The following NBAS variants were observed in gnomAD, a reference collection of about 807,000 sequenced individuals.
NBAS encodes NAG/BC035112 fusion.
NBAS carries 219 observed loss-of-function variants against 302.5 expected under a neutral mutation model. The ratio of observed to expected loss-of-function variants is 0.72; its 90% CI spans 0.65 to 0.81. The LOEUF is 0.81. Ranked by LOEUF, NBAS falls within the 30% of genes least tolerant of loss-of-function variation. The probability of loss-of-function intolerance (pLI) is 0.00; values close to 1 mark genes in which losing one functional copy is unlikely to be tolerated. For synonymous variants in NBAS, 1,118 were observed against 1,021.6 expected, an observed-to-expected ratio of 1.09 and a Z score of -1.80; for missense variants, 2,932 against 2,841.6, an observed-to-expected ratio of 1.03 and a Z score of -0.72.
At chr2:15,434,582 C>T (rs965159150) in intron 21 of NBAS, among the ~76,000 whole-genome samples, 51 of 152,180 alleles carry the variant, frequency 3.4e-4, no homozygotes, top group African/African-American at 8.9e-4. Context: ...GTGTTATATA[C>T]GTAAAATGTT....
At chr2:15,473,378 T>C (rs373062285) in intron 15 of NBAS, 31 bp from the exon 16 acceptor site, 29 of 1,611,940 alleles carry the variant, frequency 1.8e-5, no homozygotes, top group Non-Finnish European at 2.5e-5. Context: ...ACAGGAATGT[T>C]ACATGACTGA....
intron 44 of NBAS, among the ~76,000 whole-genome samples, chr2:15,267,967 T>TTA (rs1399615458): frequency 6.6e-5 from 10 of 152,200 alleles, no homozygotes; most frequent in African/African-American, 2.4e-4. Flanking sequence ...TAAAATCTTA[T>TTA]TATATGTGAG....
the NBAS span, among the ~76,000 whole-genome samples, chr2:15,157,475 G>A: frequency 6.6e-6 from 1 of 152,284 alleles, no homozygotes; most frequent in South Asian, 2.1e-4. Context: ...TGTGCGTTTA[G>A]GGCCGTCTTC....
chr2:15,269,793 G>A (rs1047098650), intron 44 of NBAS, among the ~76,000 whole-genome samples: 1 of 152,146 alleles, frequency 6.6e-6, no homozygotes, highest in Non-Finnish European at 1.5e-5. Context: ...ATGCGACAGG[G>A]TACAAAAAGT....
At chr2:15,004,667 A>ATTTTTT in the NBAS span, among the ~76,000 whole-genome samples, 153 of 105,454 alleles carry the variant, frequency 1.5e-3, no homozygotes, top group Non-Finnish European at 1.9e-3. Context: ...CTCCCAGCTG[A>ATTTTTT]TTTTTTTTTT....
chr2:14,871,762 GATAAT>G, the NBAS span, among the ~76,000 whole-genome samples: 125 of 152,144 alleles, frequency 8.2e-4, 1 homozygote, highest in African/African-American at 2.9e-3. Context: ...AAAATATTGT[GATAAT>G]ATAATAATGA....
At chr2:15,497,001 A>G (rs1681097287) in intron 11 of NBAS, among the ~76,000 whole-genome samples, 2 of 152,154 alleles carry the variant, frequency 1.3e-5, no homozygotes, top group South Asian at 4.1e-4. Flanking sequence ...ATGAGAAAAA[A>G]TTAATTAATG....
intron 44 of NBAS, among the ~76,000 whole-genome samples, chr2:15,251,397 G>A (rs1444524496): frequency 6.6e-6 from 1 of 152,160 alleles, no homozygotes; most frequent in African/African-American, 2.4e-5. Context: ...CATGGCACAT[G>A]TATACCTATG....
the NBAS span, among the ~76,000 whole-genome samples, chr2:14,819,708 C>T: frequency 2.0e-5 from 3 of 152,152 alleles, no homozygotes; most frequent in Admixed American, 6.5e-5. Flanking sequence ...AGGTTACAAT[C>T]AACAAAGTGG....
chr2:15,387,905 GATTA>G (rs1250743990), intron 28 of NBAS, among the ~76,000 whole-genome samples: 5 of 152,172 alleles, frequency 3.3e-5, no homozygotes, highest in Non-Finnish European at 7.3e-5. Flanking sequence ...AAAGTGCTGG[GATTA>G]CAGGCATGAG....
intron 6 of NBAS, 126 bp downstream of exon 6, chr2:15,551,367 A>C (rs1223532253): frequency 1.6e-6 from 1 of 615,946 alleles, no homozygotes; most frequent in Non-Finnish European, 2.7e-6. Flanking sequence ...AGTTTTTAAA[A>C]ATTATTTTAA....
At chr2:15,093,086 A>C in the NBAS span, among the ~76,000 whole-genome samples, 1 of 152,120 alleles carries the variant, frequency 6.6e-6, no homozygotes, top group African/African-American at 2.4e-5. Flanking sequence ...AATCTCAATG[A>C]CTGCTTAGTA....
the NBAS span, among the ~76,000 whole-genome samples, chr2:15,097,623 C>T: frequency 6.6e-6 from 1 of 151,854 alleles, no homozygotes; most frequent in African/African-American, 2.4e-5. Flanking sequence ...ACTGTGTCCT[C>T]AGGTGGTACA....
the NBAS span, among the ~76,000 whole-genome samples, chr2:14,814,739 G>T: frequency 2.0e-5 from 3 of 152,140 alleles, no homozygotes; most frequent in Non-Finnish European, 4.4e-5. Flanking sequence ...TGTTGGAAAG[G>T]CATGATTGTA....
intron 21 of NBAS, among the ~76,000 whole-genome samples, chr2:15,460,888 G>A (rs1269059047): frequency 6.6e-6 from 1 of 152,088 alleles, no homozygotes; most frequent in East Asian, 1.9e-4. Context: ...ATTTCTAAAA[G>A]ATACAACTAA....
chr2:15,287,503 T>C (rs898254562), intron 41 of NBAS, among the ~76,000 whole-genome samples: 27 of 152,158 alleles, frequency 1.8e-4, no homozygotes, highest in African/African-American at 6.3e-4. Flanking sequence ...GCAGATGTAC[T>C]ACACTACTAG....
chr2:15,231,863 C>T (rs1046731349), intron 47 of NBAS, among the ~76,000 whole-genome samples: 8 of 152,078 alleles, frequency 5.3e-5, no homozygotes, highest in Admixed American at 3.3e-4. Context: ...TTATGAATTT[C>T]GAGGACATGC....
At chr2:15,009,482 A>G in the NBAS span, among the ~76,000 whole-genome samples, 4 of 152,004 alleles carry the variant, frequency 2.6e-5, no homozygotes, top group East Asian at 5.8e-4. Flanking sequence ...ATGAAGCTCT[A>G]TGTGGTTGTT....
chr2:15,521,520 A>G (rs190567040), intron 9 of NBAS, among the ~76,000 whole-genome samples: 4 of 152,352 alleles, frequency 2.6e-5, no homozygotes, highest in African/African-American at 9.6e-5. Context: ...TAAATAACAC[A>G]GATGGAAGTT....
Sources: gnomAD v4.1 joint callset for allele counts (sites outside exome capture counted in the v4.1 genomes callset) on GRCh38, gnomAD v4.1.1 for gene constraint, MANE v1.5 for transcripts, NCBI Gene and HGNC (gene_info 2026-07-23, HGNC 2026-07-21) for gene names.